The following CPA6 variants were observed in gnomAD, a reference collection of about 807,000 sequenced individuals.
CPA6 encodes carboxypeptidase A6.
A neutral mutation model predicts 63.3 loss-of-function variants in CPA6; 58 were observed. The ratio of observed to expected loss-of-function variants is 0.92; its 90% CI spans 0.74 to 1.14. CPA6 has a LOEUF of 1.14. Among genes scored for constraint, CPA6 ranks in the 50% most tolerant of loss-of-function variants. The pLI, the probability that CPA6 is intolerant of heterozygous loss-of-function variation, is 0.00. For synonymous variants in CPA6, 185 were observed against 179.0 expected (o/e 1.03, Z -0.27); for missense variants, 565 against 526.6 (o/e 1.07, Z -0.71).
intron 2 of CPA6, among the ~76,000 whole-genome samples, chr8:67,601,901 A>G (rs914725696): frequency 2.6e-5 from 4 of 152,204 alleles, no homozygotes; most frequent in African/African-American, 9.6e-5. Flanking sequence ...ACATATGTGA[A>G]ACAACTTTCT....
At chr8:67,652,698 A>G (rs1444414345) in intron 1 of CPA6, among the ~76,000 whole-genome samples, 3 of 150,236 alleles carry the variant, frequency 2.0e-5, no homozygotes, top group Non-Finnish European at 3.0e-5. Context: ...TTGCCTGTTC[A>G]CTCTGATGGT....
chr8:67,681,161 G>GT, intron 1 of CPA6, among the ~76,000 whole-genome samples: 1 of 142,372 alleles, frequency 7.0e-6, no homozygotes, highest in East Asian at 2.1e-4. Context: ...GGTGTCATAT[G>GT]TAAGAAATCT....
At chr8:67,572,719 A>G (rs1277456705) in intron 2 of CPA6, among the ~76,000 whole-genome samples, 2 of 152,232 alleles carry the variant, frequency 1.3e-5, no homozygotes. Context: ...AATAAAAACT[A>G]ATACTAATTC....
intron 8 of CPA6, among the ~76,000 whole-genome samples, chr8:67,475,890 CTTTCTTT>C (rs1563968112): frequency 6.7e-4 from 29 of 43,574 alleles, no homozygotes; most frequent in East Asian, 2.6e-3. Flanking sequence ...TCCTTTCTTT[CTTTCTTT>C]CTTTCTTTCT....
At chr8:67,501,278 T>C (rs1442235057) in intron 6 of CPA6, among the ~76,000 whole-genome samples, 1 of 152,158 alleles carries the variant, frequency 6.6e-6, no homozygotes, top group Non-Finnish European at 1.5e-5. Context: ...CTGTACATGT[T>C]TTGCTGGATT....
chr8:67,645,086 A>C (rs919224531), intron 1 of CPA6, among the ~76,000 whole-genome samples: 1 of 152,088 alleles, frequency 6.6e-6, no homozygotes, highest in African/African-American at 2.4e-5. Flanking sequence ...GAGGGTGAAA[A>C]ATTCTCAGGG....
chr8:67,651,902 C>G (rs1163610062), intron 1 of CPA6, among the ~76,000 whole-genome samples: 5 of 151,984 alleles, frequency 3.3e-5, no homozygotes, highest in Admixed American at 6.6e-5. Context: ...CTGCCCCCAC[C>G]CCGCAACAGT....
intron 9 of CPA6, 60 bp from the exon 10 acceptor site, chr8:67,428,191 C>T: frequency 1.0e-6 from 1 of 959,990 alleles, no homozygotes; most frequent in Non-Finnish European, 1.7e-6. Context: ...AGATACACTG[C>T]TATGTTGTTT....
intron 1 of CPA6, among the ~76,000 whole-genome samples, chr8:67,670,318 A>G (rs886635846): frequency 1.3e-5 from 2 of 152,134 alleles, no homozygotes; most frequent in African/African-American, 4.8e-5. Context: ...CCAGAGCAGG[A>G]GGCGGCAGGG....
chr8:67,718,649 G>GT (rs765690137), intron 1 of CPA6, among the ~76,000 whole-genome samples: 1,900 of 140,906 alleles, frequency 0.013, 12 homozygotes, highest in African/African-American at 0.024. Flanking sequence ...GACAGCTGAA[G>GT]TTTTTTTTTT....
intron 6 of CPA6, among the ~76,000 whole-genome samples, chr8:67,493,788 CTTT>C (rs1279810786): frequency 6.6e-6 from 1 of 151,918 alleles, no homozygotes; most frequent in African/African-American, 2.4e-5. Context: ...TTCTTTCTTT[CTTT>C]CTTTTTTTTT....
At chr8:67,468,580 CAAAAA>C (rs1810982465) in intron 8 of CPA6, among the ~76,000 whole-genome samples, 1 of 81,556 alleles carries the variant, frequency 1.2e-5, no homozygotes, top group African/African-American at 6.6e-5. Context: ...GACTCTGTCT[CAAAAA>C]TAAAATAAAA....
Position 67,624,200 on chromosome 8 carries a change from C to T in CPA6, c.168G>A (p.Leu56=), listed in dbSNP as rs1815146518. 6.5e-7 allele frequency: 1 copy of T among 1,549,556 alleles called. No individual in the cohort carries two copies. Among genetic ancestry groups the T allele is most frequent in the Non-Finnish European group, 8.9e-7 (1 of 1,123,402 alleles). Residue 56 remains leucine (L), a synonymous_variant, in exon 2 of 11, where the codon CTG becomes CTA. Transcript: ENST00000297770. Reference sequence around the variant, plus strand: ...CCTTAAGTTGATAGGATATTTTCTTCAGTGCATATGCTTCCTCTTCTGTTT... The same window carrying T: ...CCTTAAGTTGATAGGATATTTTCTTTAGTGCATATGCTTCCTCTTCTGTTT... ...IPKTEEEAYA[L]KKISYQLKVD... is the part of the protein sequence containing the mutation.
At chr8:67,648,221 G>T (rs763050203) in intron 1 of CPA6, among the ~76,000 whole-genome samples, 8 of 143,456 alleles carry the variant, frequency 5.6e-5, no homozygotes, top group Non-Finnish European at 1.1e-4. Flanking sequence ...GAGAATAGAT[G>T]AAAGATCAGA....
chr8:67,584,383 C>T (rs1399808236), intron 2 of CPA6, among the ~76,000 whole-genome samples: 1 of 152,064 alleles, frequency 6.6e-6, no homozygotes, highest in Admixed American at 6.5e-5. Context: ...ATGATGGACC[C>T]TAAACATATA....
rs1217912578 is a variant in CPA6, at chr8:67,509,521, A to AAAAT, written c.526_529dup (p.Leu177TyrfsTer43). 7 of 1,490,724 alleles carry AAAAT rather than the reference A, an allele frequency of 4.7e-6. No individual in the cohort carries two copies. Among genetic ancestry groups the AAAAT allele is most frequent in the Admixed American group, 3.6e-5 (2 of 55,746 alleles). The allele number at this position is 1,490,724 out of a possible 1,614,324, so 92.3% of individuals were successfully genotyped here. The stretch of plus-strand genomic sequence containing the variant: ...ACAGCAATTGCTTATTTTTACCTTT[A>AAAAT]AAATAAAAAGAGATCTTCCCTCATA... On this transcript the variant is annotated frameshift_variant, in exon 5 of 11. Coordinates refer to ENST00000297770, the MANE Select transcript of CPA6 (RefSeq NM_020361.5).
intron 1 of CPA6, among the ~76,000 whole-genome samples, chr8:67,680,974 A>G (rs1748637745): frequency 6.6e-6 from 1 of 152,022 alleles, no homozygotes; most frequent in South Asian, 2.1e-4. Context: ...CTTGAGTTTC[A>G]AGAGTTCTTT....
At chr8:67,580,002 G>A (rs1217297599) in intron 2 of CPA6, among the ~76,000 whole-genome samples, 1 of 152,160 alleles carries the variant, frequency 6.6e-6, no homozygotes, top group African/African-American at 2.4e-5. Flanking sequence ...ACTTTTGCCT[G>A]AAAGGAATTT....
chr8:67,646,606 T>C (rs529083447), intron 1 of CPA6, among the ~76,000 whole-genome samples: 1 of 152,328 alleles, frequency 6.6e-6, no homozygotes, highest in South Asian at 2.1e-4. Context: ...AACATCATTT[T>C]AGGTAGTGAT....
Sources: allele counts gnomAD v4.1 joint callset (sites outside exome capture counted in the v4.1 genomes callset), GRCh38; gene constraint gnomAD v4.1.1; transcripts MANE v1.5; gene names NCBI Gene and HGNC (gene_info 2026-07-23, HGNC 2026-07-21).